The following STPG2 variants were observed in gnomAD, a reference collection of about 807,000 sequenced individuals.
STPG2 encodes the protein sperm tail PG-rich repeat containing 2.
STPG2 carries 56 observed loss-of-function variants against 54.2 expected under a neutral mutation model. The observed-to-expected ratio is 1.03, with a 90% CI of 0.83 to 1.29. The LOEUF is 1.29. STPG2 is among the 50% of genes most tolerant of loss of function. The pLI is 0.00. For missense variants in STPG2, 596 were observed against 544.9 expected, an observed-to-expected ratio of 1.09 and a Z score of -0.93; for synonymous variants, 200 against 181.8, an observed-to-expected ratio of 1.10 and a Z score of -0.81.
chr4:97,981,948 G>A (rs1363764574), intron 5 of STPG2, among the ~76,000 whole-genome samples: 7 of 150,062 alleles, frequency 4.7e-5, no homozygotes, highest in South Asian at 4.2e-4. Context: ...GCAGTGGCGC[G>A]ATCTCGGCTC....
At chr4:97,559,770 A>C (rs542923327) in intron 10 of STPG2, among the ~76,000 whole-genome samples, 1 of 152,308 alleles carries the variant, frequency 6.6e-6, no homozygotes, top group South Asian at 2.1e-4. Context: ...AAGTTATCTT[A>C]CCTGTAAGTA....
intron 10 of STPG2, among the ~76,000 whole-genome samples, chr4:97,596,224 T>C (rs1004479440): frequency 4.6e-5 from 7 of 152,164 alleles, no homozygotes; most frequent in Non-Finnish European, 8.8e-5. Context: ...CTGTCCTAAA[T>C]ATATTTGCAT....
chr4:98,064,103 A>C (rs1256296170), intron 5 of STPG2, among the ~76,000 whole-genome samples: 1 of 152,224 alleles, frequency 6.6e-6, no homozygotes, highest in Admixed American at 6.5e-5. Flanking sequence ...ATATTCTAGG[A>C]ACAACTTTCT....
chr4:97,802,191 A>T (rs571019907), intron 9 of STPG2, among the ~76,000 whole-genome samples: 1 of 152,304 alleles, frequency 6.6e-6, no homozygotes, highest in East Asian at 1.9e-4. Flanking sequence ...ATAAGAGCAC[A>T]TTCTTCTTCA....
At chr4:97,616,943 T>TA (rs1161161108) in intron 10 of STPG2, among the ~76,000 whole-genome samples, 1 of 152,124 alleles carries the variant, frequency 6.6e-6, no homozygotes, top group African/African-American at 2.4e-5. Flanking sequence ...TTTAAAAACA[T>TA]AAATACAATT....
intron 8 of STPG2, among the ~76,000 whole-genome samples, chr4:97,858,678 C>T (rs994756680): frequency 6.6e-6 from 1 of 152,168 alleles, no homozygotes; most frequent in Non-Finnish European, 1.5e-5. Context: ...AGTTACTTCA[C>T]CTAGAATAAT....
intron 10 of STPG2, among the ~76,000 whole-genome samples, chr4:97,704,906 G>C (rs1031186729): frequency 1.3e-5 from 2 of 151,948 alleles, no homozygotes; most frequent in Non-Finnish European, 2.9e-5. Flanking sequence ...TTTAAATCAT[G>C]CTTTATCATT....
chr4:97,619,104 T>G (rs1309641831), intron 10 of STPG2, among the ~76,000 whole-genome samples: 1 of 152,150 alleles, frequency 6.6e-6, no homozygotes, highest in Non-Finnish European at 1.5e-5. Flanking sequence ...CATATACCCC[T>G]TCTATTAAGG....
At chr4:98,061,959 G>C (rs1055541135) in intron 5 of STPG2, among the ~76,000 whole-genome samples, 1 of 152,026 alleles carries the variant, frequency 6.6e-6, no homozygotes, top group Non-Finnish European at 1.5e-5. Flanking sequence ...TATACCCAGA[G>C]GAATATAAAT....
At position 97,931,016 on chromosome 4, in the gene STPG2, C is replaced by T. The variant is rs181650111; in HGVS notation, c.1044+12881G>A. Among the ~76,000 whole-genome samples the T allele has an allele frequency of 9.9e-5, 15 of 152,186 alleles. No individual in the cohort carries two copies. In the East Asian group the frequency reaches 2.9e-3, roughly 29 times the overall value. On this transcript the variant is annotated intron_variant, in intron 8 of 10. Coordinates refer to ENST00000295268, the MANE Select transcript of STPG2 (RefSeq NM_174952.3). The stretch of plus-strand genomic sequence containing the variant: ...TGTTGGTGTATGAAAATATTAATGA[C>T]ATTTGTAGATTGATGTTATATCCTT...
intron 10 of STPG2, among the ~76,000 whole-genome samples, chr4:97,561,442 T>G (rs1012238635): frequency 6.6e-6 from 1 of 152,222 alleles, no homozygotes; most frequent in African/African-American, 2.4e-5. Context: ...GCAAGAGCTC[T>G]TTAGTTTAAT....
chr4:98,094,658 C>G (rs1738792796), intron 5 of STPG2, among the ~76,000 whole-genome samples: 1 of 152,150 alleles, frequency 6.6e-6, no homozygotes, highest in South Asian at 2.1e-4. Context: ...CACAAACTGA[C>G]AGAAGAGCCC....
chr4:98,028,444 C>T (rs1736496503), intron 5 of STPG2, among the ~76,000 whole-genome samples: 1 of 152,172 alleles, frequency 6.6e-6, no homozygotes, highest in African/African-American at 2.4e-5. Flanking sequence ...CACAATTTAG[C>T]TACACTTTCT....
intron 10 of STPG2, among the ~76,000 whole-genome samples, chr4:97,699,079 A>G (rs896994860): frequency 3.3e-5 from 5 of 152,190 alleles, no homozygotes; most frequent in African/African-American, 1.2e-4. Flanking sequence ...GGTCCAATAC[A>G]ATCAACCTGC....
In STPG2 at chr4:97,699,365, C is replaced by T. The variant is rs780003259; in HGVS notation, c.1320+13334G>A. On this transcript the variant is annotated intron_variant, in intron 10 of 10. Coordinates refer to ENST00000295268, the MANE Select transcript of STPG2 (RefSeq NM_174952.3). ...TACTATCCAATTGATTACTAAAATGCTCCTCTGTCGAGGTCACCCATTGGT... is the reference window on the plus strand; with the variant it reads ...TACTATCCAATTGATTACTAAAATGTTCCTCTGTCGAGGTCACCCATTGGT... Among the ~76,000 whole-genome samples, 6 of 152,344 alleles carry T rather than the reference C, an allele frequency of 3.9e-5. No homozygotes were observed. In the Middle Eastern group the frequency reaches 0.017, roughly 432 times the overall value.
At chr4:97,770,374 T>A (rs1726181110) in intron 9 of STPG2, among the ~76,000 whole-genome samples, 1 of 152,140 alleles carries the variant, frequency 6.6e-6, no homozygotes, top group Non-Finnish European at 1.5e-5. Context: ...GTCAGGTGGA[T>A]GTTTGGAGGA....
chr4:97,899,988 C>A (rs558374713), intron 8 of STPG2, among the ~76,000 whole-genome samples: 1 of 150,314 alleles, frequency 6.7e-6, no homozygotes, highest in African/African-American at 2.4e-5. Context: ...GAACAGACAA[C>A]CTACAGAATG....
chr4:97,763,591 T>C (rs1260329726), intron 9 of STPG2, among the ~76,000 whole-genome samples: 1 of 152,138 alleles, frequency 6.6e-6, no homozygotes, highest in Non-Finnish European at 1.5e-5. Flanking sequence ...ATTTTATGCC[T>C]ATTGTCCGGG....
At chr4:97,721,624 C>T (rs761198780) in intron 9 of STPG2, among the ~76,000 whole-genome samples, 22 of 151,992 alleles carry the variant, frequency 1.4e-4, no homozygotes, top group Non-Finnish European at 2.4e-4. Flanking sequence ...GTATTTTTAA[C>T]TATATGATGA....
Sources: allele counts gnomAD v4.1 joint callset (sites outside exome capture counted in the v4.1 genomes callset), GRCh38; gene constraint gnomAD v4.1.1; transcripts MANE v1.5; gene names NCBI Gene and HGNC (gene_info 2026-07-23, HGNC 2026-07-21).